The following COL19A1 variants were observed in gnomAD, a reference collection of about 807,000 sequenced individuals.
COL19A1 encodes collagen type XIX alpha 1 chain, also known as collagen alpha-1(XIX) chain.
A neutral mutation model predicts 190.2 loss-of-function variants in COL19A1; 159 were observed. The ratio of observed to expected loss-of-function variants is 0.84; its 90% CI spans 0.73 to 0.95. The LOEUF (loss-of-function observed/expected upper bound fraction) is 0.95. Ranked by LOEUF, COL19A1 falls within the 40% of genes least tolerant of loss-of-function variation. The pLI is 0.00. For missense variants in COL19A1, 1,418 were observed against 1,431.9 expected, an observed-to-expected ratio of 0.99 and a Z score of 0.16; for synonymous variants, 509 against 458.9, an observed-to-expected ratio of 1.11 and a Z score of -1.39.
chr6:70,117,661 G>A (rs1265894975), intron 16 of COL19A1, among the ~76,000 whole-genome samples: 3 of 152,128 alleles, frequency 2.0e-5, no homozygotes, highest in Non-Finnish European at 2.9e-5. Context: ...AGTACAGTTA[G>A]GTTCAGAACA....
chr6:70,048,440 T>A (rs988117142), intron 14 of COL19A1, among the ~76,000 whole-genome samples: 8 of 152,136 alleles, frequency 5.3e-5, no homozygotes, highest in Non-Finnish European at 1.0e-4. Context: ...TGCCAGATAC[T>A]GTGTTAAGCC....
intron 48 of COL19A1, among the ~76,000 whole-genome samples, chr6:70,192,106 G>A (rs1036306699): frequency 2.0e-5 from 3 of 152,026 alleles, no homozygotes; most frequent in African/African-American, 7.2e-5. Context: ...TGTCACCCAG[G>A]CTGGAGTGCA....
intron 40 of COL19A1, among the ~76,000 whole-genome samples, chr6:70,170,456 A>G (rs1765430667): frequency 6.6e-6 from 1 of 152,182 alleles, no homozygotes; most frequent in African/African-American, 2.4e-5. Flanking sequence ...TTCTAGAGGA[A>G]TATTACCCTT....
Position 70,211,983 on chromosome 6 carries a change from A to C in COL19A1, c.*4709A>C, listed in dbSNP as rs898443345. Among the ~76,000 whole-genome samples the C allele has an allele frequency of 1.3e-5, 2 of 152,180 alleles. No homozygotes were observed. Among genetic ancestry groups the C allele is most frequent in the Admixed American group, 6.5e-5 (1 of 15,274 alleles). ...ACTGGAGGAGTTAGCTACTTGCTTCATGAATTTGTCAAAAGTGAATACTAA... is the reference window on the plus strand; with the variant it reads ...ACTGGAGGAGTTAGCTACTTGCTTCCTGAATTTGTCAAAAGTGAATACTAA... On this transcript the variant is annotated 3_prime_UTR_variant, in exon 51 of 51. Transcript: ENST00000620364.
chr6:69,921,807 C>T (rs142959228), intron 4 of COL19A1, among the ~76,000 whole-genome samples: 6,116 of 145,760 alleles, frequency 0.042, 173 homozygotes, highest in Non-Finnish European at 0.057. Context: ...TATGTATATT[C>T]GTATGTAGAT....
At chr6:69,888,326 CT>C (rs1471600975) in intron 2 of COL19A1, among the ~76,000 whole-genome samples, 1 of 152,138 alleles carries the variant, frequency 6.6e-6, no homozygotes, top group African/African-American at 2.4e-5. Context: ...CAAAAAAAAA[CT>C]TTACTCTTTT....
At chr6:69,875,850 T>C (rs974836563) in intron 1 of COL19A1, among the ~76,000 whole-genome samples, 4 of 152,144 alleles carry the variant, frequency 2.6e-5, no homozygotes, top group African/African-American at 4.8e-5. Flanking sequence ...GGATGGGAGA[T>C]GTAAATTTTA....
chr6:70,136,725 C>A lies in COL19A1; in HGVS notation c.1384-960C>A, dbSNP rs1032460073. 1.3e-5 allele frequency among the ~76,000 whole-genome samples: 2 copies of A among 151,988 alleles called. 1 individual carries two copies. The highest frequency in any genetic ancestry group is 4.8e-5 in the African/African-American group (2 of 41,394). ...TTCTTCTTTGTAAATTTTTTAATTT[C>A]TTTCATTTTGGGTACCTGGTACATG... On this transcript the variant is annotated intron_variant, in intron 18 of 50. Transcript: ENST00000620364.
intron 42 of COL19A1, among the ~76,000 whole-genome samples, chr6:70,177,409 C>T (rs556733356): frequency 1.4e-4 from 22 of 152,096 alleles, no homozygotes; most frequent in Non-Finnish European, 2.9e-4. Context: ...CCACCCAAAG[C>T]CCTGCTCATC....
At chr6:69,965,168 C>A (rs116179628) in intron 11 of COL19A1, among the ~76,000 whole-genome samples, 1 of 152,086 alleles carries the variant, frequency 6.6e-6, no homozygotes, top group African/African-American at 2.4e-5. Flanking sequence ...TTTTTAAAAA[C>A]CCACTTTCTT....
intron 48 of COL19A1, among the ~76,000 whole-genome samples, chr6:70,198,946 T>C (rs1003842210): frequency 6.6e-5 from 10 of 152,236 alleles, no homozygotes; most frequent in Non-Finnish European, 1.0e-4. Context: ...CACTGGCAGG[T>C]AGCATCAGTT....
chr6:70,049,474 G>A (rs1403895043), intron 14 of COL19A1, among the ~76,000 whole-genome samples: 1 of 151,992 alleles, frequency 6.6e-6, no homozygotes, highest in Non-Finnish European at 1.5e-5. Context: ...GAAGATTTAT[G>A]TTTTGGAAAA....
At chr6:70,143,566 C>A (rs1050916557) in intron 23 of COL19A1, among the ~76,000 whole-genome samples, 2 of 152,050 alleles carry the variant, frequency 1.3e-5, no homozygotes, top group African/African-American at 4.8e-5. Context: ...CTGGGAACAG[C>A]CCCTTAACCT....
Position 69,917,702 on chromosome 6 carries a change from G to A in COL19A1, c.267-10207G>A, listed in dbSNP as rs573246579. Among the ~76,000 whole-genome samples the A allele has an allele frequency of 3.2e-3, 491 of 152,286 alleles. 2 individuals are homozygous for A. Among genetic ancestry groups the A allele is most frequent in the Non-Finnish European group, 5.1e-3 (350 of 68,004 alleles). On this transcript the variant is annotated intron_variant, in intron 4 of 50. Transcript: ENST00000620364. ...TGATATTTGAGCTGAGACCTGAACA[G>A]TAAGGAAAAGCCATCTAAATCAAGG...
At position 70,050,081 on chromosome 6, in the gene COL19A1, T is replaced by A. The variant is rs918209881; in HGVS notation, c.1170+14142T>A. 2.6e-5 allele frequency among the ~76,000 whole-genome samples: 4 copies of A among 152,110 alleles called. No homozygotes were observed. The East Asian group carries it at 7.7e-4, about 29-fold the overall frequency. ...GGCTACCTGAGTTTGAACCTAACCA[T>A]GTTTCTTGACCTTTCTGTGTCATCT... On this transcript the variant is annotated intron_variant, in intron 14 of 50. Coordinates refer to ENST00000620364, the MANE Select transcript of COL19A1 (RefSeq NM_001858.6).
At chr6:70,144,395 A>G in intron 24 of COL19A1, 132 bp downstream of exon 24, 1 of 718,680 alleles carries the variant, frequency 1.4e-6, no homozygotes, top group Non-Finnish European at 2.3e-6. Flanking sequence ...TACAATGTAA[A>G]TGGCACCCCC....
chr6:69,947,310 ATGAT>A (rs1773880361), intron 9 of COL19A1, among the ~76,000 whole-genome samples: 1 of 151,888 alleles, frequency 6.6e-6, no homozygotes, highest in Admixed American at 6.6e-5. Flanking sequence ...AGCTCATAAA[ATGAT>A]TGATTTTTAT....
intron 4 of COL19A1, among the ~76,000 whole-genome samples, chr6:69,910,413 AAC>A (rs1404270997): frequency 6.6e-6 from 1 of 152,168 alleles, no homozygotes; most frequent in Non-Finnish European, 1.5e-5. Flanking sequence ...AAAAATAATA[AAC>A]AGTTGTGTCT....
intron 15 of COL19A1, among the ~76,000 whole-genome samples, chr6:70,085,428 C>T (rs1194619569): frequency 6.6e-6 from 1 of 152,196 alleles, no homozygotes; most frequent in Non-Finnish European, 1.5e-5. Context: ...AGTTAGTAGA[C>T]TTTTCCATTT....
Sources: gnomAD v4.1 joint callset for allele counts (sites outside exome capture counted in the v4.1 genomes callset) on GRCh38, gnomAD v4.1.1 for gene constraint, MANE v1.5 for transcripts, NCBI Gene and HGNC (gene_info 2026-07-23, HGNC 2026-07-21) for gene names.